The following DNAH3 variants were observed in gnomAD, a reference collection of about 807,000 sequenced individuals.
DNAH3 encodes dynein axonemal heavy chain 3, also known as axonemal beta dynein heavy chain 3.
In DNAH3, 332 loss-of-function variants were observed where a neutral mutation model predicts 432.5. That is an observed-to-expected ratio of 0.77 (90% CI 0.70 to 0.84). The LOEUF is 0.84. Among genes scored for constraint, DNAH3 ranks in the 40% least tolerant of loss-of-function variants. The probability of loss-of-function intolerance (pLI) is 0.00; values close to 1 mark genes in which losing one functional copy is unlikely to be tolerated. For synonymous variants in DNAH3, 1,956 were observed against 1,900.2 expected (o/e 1.03, Z -0.76); for missense variants, 4,861 against 5,114.0 (o/e 0.95, Z 1.51).
chr16:21,081,650 G>C (rs144571198), exon 20 of DNAH3: 7 of 1,613,466 alleles, frequency 4.3e-6, no homozygotes, highest in African/African-American at 1.3e-5. Context: ...CAACGAATTT[G>C]CCGAATCCAA....
chr16:20,964,002 G>A (rs781093678), exon 53 of DNAH3: 2 of 1,614,048 alleles, frequency 1.2e-6, no homozygotes, highest in Non-Finnish European at 8.5e-7. Context: ...CCACTGGCTT[G>A]TAGCCCATCC....
intron 33 of DNAH3, 66 bp from the exon 34 acceptor site, chr16:21,038,046 C>A: frequency 6.9e-7 from 1 of 1,443,106 alleles, no homozygotes; most frequent in Non-Finnish European, 9.6e-7. Flanking sequence ...CAGACATTCC[C>A]AATATCCTTG....
chr16:20,979,627 G>T, intron 49 of DNAH3, 81 bp from the exon 50 acceptor site: 1 of 1,277,976 alleles, frequency 7.8e-7, no homozygotes, highest in Non-Finnish European at 1.1e-6. Flanking sequence ...TAGACATGAG[G>T]ATATGAGAAG....
intron 55 of DNAH3, among the ~76,000 whole-genome samples, chr16:20,953,373 G>A (rs913458334): frequency 6.6e-6 from 1 of 152,040 alleles, no homozygotes; most frequent in African/African-American, 2.4e-5. Flanking sequence ...TGGCCAGGCT[G>A]GTCTTGAACT....
At chr16:20,955,014 T>A in exon 55 of DNAH3, 12 of 1,613,470 alleles carry the variant, frequency 7.4e-6, no homozygotes, top group Non-Finnish European at 1.0e-5. Flanking sequence ...TTCTGGAGAA[T>A]GCTGACTGGA....
At chr16:21,018,485 A>C (rs1296220435) in intron 41 of DNAH3, among the ~76,000 whole-genome samples, 1 of 152,220 alleles carries the variant, frequency 6.6e-6, no homozygotes, top group Non-Finnish European at 1.5e-5. Flanking sequence ...GACTTAGAAG[A>C]AGCATCTTCC....
chr16:20,952,890 A>C (rs1013135384), intron 55 of DNAH3, among the ~76,000 whole-genome samples: 4 of 152,184 alleles, frequency 2.6e-5, no homozygotes, highest in African/African-American at 9.7e-5. Flanking sequence ...GCATGGCTAG[A>C]CAGCAGGAGC....
chr16:20,964,141 A>G (rs2152622695), exon 53 of DNAH3: 2 of 1,614,198 alleles, frequency 1.2e-6, no homozygotes, highest in African/African-American at 1.3e-5. Context: ...ACCCTTGGAC[A>G]TGGAGAGAAC....
chr16:21,034,107 A>C (rs2089039169), intron 35 of DNAH3, 22 bp from the exon 36 acceptor site: 1 of 1,520,608 alleles, frequency 6.6e-7, no homozygotes, highest in Non-Finnish European at 9.1e-7. Flanking sequence ...CATCATTCAT[A>C]AAAGAAGCTA....
intron 1 of DNAH3, among the ~76,000 whole-genome samples, chr16:21,152,917 G>C (rs1023815387): frequency 6.6e-6 from 1 of 152,158 alleles, no homozygotes; most frequent in African/African-American, 2.4e-5. Context: ...GAGCCTCCCC[G>C]ACGAGCGCCA....
At chr16:21,095,304 G>A (rs1047437945) in intron 18 of DNAH3, among the ~76,000 whole-genome samples, 14 of 152,220 alleles carry the variant, frequency 9.2e-5, no homozygotes, top group Admixed American at 7.2e-4. Flanking sequence ...GTCTGAGAGT[G>A]AAAACAGTGG....
chr16:21,145,994 C>A lies in DNAH3; in HGVS notation c.212G>T (p.Gly71Val). The change falls in exon 2 of 62, where the codon GGA (glycine) becomes GTA (valine). Residue 71 changes from glycine to valine, a missense_variant. Transcript: ENST00000261383. ...GCCAGGTGTGCATACCTGATAGAGT[C>A]CAGACGGTTCCTCATTAGCAGAAGC... is the stretch of plus-strand genomic sequence containing the variant. The A allele has an allele frequency of 6.2e-7, 1 of 1,611,036 alleles. No homozygotes were observed. The highest frequency in any genetic ancestry group is 1.1e-5 in the South Asian group (1 of 91,002).
chr16:21,140,839 T>C, intron 4 of DNAH3, 129 bp from the exon 6 acceptor site: 5 of 736,944 alleles, frequency 6.8e-6, no homozygotes, highest in Non-Finnish European at 1.1e-5. Flanking sequence ...TGTCATCTAA[T>C]GGCATGTGTG....
intron 41 of DNAH3, among the ~76,000 whole-genome samples, chr16:21,006,901 T>TTAC (rs1185032105): frequency 2.0e-5 from 3 of 152,180 alleles, no homozygotes; most frequent in African/African-American, 7.2e-5. Context: ...GGTCTTGAAC[T>TTAC]TAGCTCAAGT....
intron 53 of DNAH3, among the ~76,000 whole-genome samples, chr16:20,960,421 C>A (rs944299678): frequency 1.3e-5 from 2 of 152,162 alleles, no homozygotes; most frequent in African/African-American, 4.8e-5. Context: ...TGTGGTGGCT[C>A]ACGCCTGCAA....
intron 8 of DNAH3, among the ~76,000 whole-genome samples, 186 bp downstream of exon 9, chr16:21,127,501 C>T (rs936838816): frequency 6.6e-6 from 1 of 151,548 alleles, no homozygotes; most frequent in African/African-American, 2.4e-5. Context: ...GCAGAAGTTG[C>T]AGTGAGCTGA....
intron 35 of DNAH3, among the ~76,000 whole-genome samples, chr16:21,035,794 A>G (rs1308472125): frequency 6.6e-6 from 1 of 152,196 alleles, no homozygotes; most frequent in Non-Finnish European, 1.5e-5. Context: ...TTGCTAATAC[A>G]GTAGGAAAAA....
chr16:21,009,813 T>C (rs1392399636), intron 41 of DNAH3, among the ~76,000 whole-genome samples: 1 of 151,182 alleles, frequency 6.6e-6, no homozygotes, highest in East Asian at 1.9e-4. Flanking sequence ...GCACTAAGAC[T>C]GCAGTGAGCC....
intron 41 of DNAH3, among the ~76,000 whole-genome samples, chr16:21,005,343 C>T (rs2087242579): frequency 7.2e-6 from 1 of 137,964 alleles, no homozygotes; most frequent in South Asian, 2.7e-4. Flanking sequence ...TTCTTTCCTT[C>T]CTTCCTTCCT....
Sources: gnomAD v4.1 joint callset for allele counts (sites outside exome capture counted in the v4.1 genomes callset) on GRCh38, gnomAD v4.1.1 for gene constraint, MANE v1.5 for transcripts, NCBI Gene and HGNC (gene_info 2026-07-23, HGNC 2026-07-21) for gene names.